Variants in PTPRN2 observed in about 807,000 individuals in gnomAD.
PTPRN2 encodes the protein protein tyrosine phosphatase receptor type N2, also known as receptor-type tyrosine-protein phosphatase N2.
Under a neutral mutation model 118.8 loss-of-function variants are expected in PTPRN2, and 74 were observed. The observed-to-expected ratio is 0.62, with a 90% CI of 0.52 to 0.76. The LOEUF is 0.76. Ranked by LOEUF, PTPRN2 falls within the 30% of genes least tolerant of loss-of-function variation. The probability of loss-of-function intolerance (pLI) is 0.00; values close to 1 mark genes in which losing one functional copy is unlikely to be tolerated. For synonymous variants in PTPRN2, 641 were observed against 608.0 expected, an observed-to-expected ratio of 1.05 and a Z score of -0.80; for missense variants, 1,481 against 1,394.4, an observed-to-expected ratio of 1.06 and a Z score of -0.99.
chr7:157,931,463 G>A (rs932355987), intron 11 of PTPRN2, among the ~76,000 whole-genome samples: 1 of 152,184 alleles, frequency 6.6e-6, no homozygotes, highest in African/African-American at 2.4e-5. Context: ...GTCTACTTCC[G>A]ATCACACGCT....
At chr7:157,837,849 C>T (rs1808080219) in intron 12 of PTPRN2, among the ~76,000 whole-genome samples, 1 of 152,244 alleles carries the variant, frequency 6.6e-6, no homozygotes, top group Admixed American at 6.5e-5. Context: ...ATCTCACAGC[C>T]CTGCTGCCCA....
intron 6 of PTPRN2, among the ~76,000 whole-genome samples, chr7:158,140,877 G>C (rs1420671729): frequency 6.6e-6 from 1 of 152,212 alleles, no homozygotes; most frequent in African/African-American, 2.4e-5. Flanking sequence ...AGCTTTGAAG[G>C]AAAACCTGAC....
intron 18 of PTPRN2, among the ~76,000 whole-genome samples, chr7:157,577,805 G>C (rs1157399581): frequency 6.6e-6 from 1 of 152,156 alleles, no homozygotes; most frequent in Non-Finnish European, 1.5e-5. Context: ...GGCCCTCGGG[G>C]GTGACTCAGC....
At chr7:158,065,627 G>A (rs1307872497) in intron 11 of PTPRN2, among the ~76,000 whole-genome samples, 2 of 152,236 alleles carry the variant, frequency 1.3e-5, no homozygotes, top group Non-Finnish European at 2.9e-5. Flanking sequence ...CCACGGGTCA[G>A]ACCAAGGTTT....
At chr7:157,798,729 T>C (rs756708214) in intron 12 of PTPRN2, among the ~76,000 whole-genome samples, 1 of 152,232 alleles carries the variant, frequency 6.6e-6, no homozygotes, top group Non-Finnish European at 1.5e-5. Context: ...TTTTTGCCTA[T>C]TGATGTGAAA....
intron 1 of PTPRN2, among the ~76,000 whole-genome samples, chr7:158,510,668 A>G (rs1823112218): frequency 6.6e-6 from 1 of 152,228 alleles, no homozygotes; most frequent in Non-Finnish European, 1.5e-5. Flanking sequence ...CTCCTATTTG[A>G]TAAAAAATAC....
chr7:158,222,206 C>T (rs1828429107), intron 3 of PTPRN2, among the ~76,000 whole-genome samples: 1 of 152,130 alleles, frequency 6.6e-6, no homozygotes, highest in Non-Finnish European at 1.5e-5. Context: ...ACCATTCGAC[C>T]CAGCAATCCC....
intron 14 of PTPRN2, among the ~76,000 whole-genome samples, chr7:157,639,503 A>G (rs1804540967): frequency 6.6e-6 from 1 of 152,228 alleles, no homozygotes; most frequent in Admixed American, 6.5e-5. Context: ...GTCTTCCTCC[A>G]CAGACACGTA....
intron 2 of PTPRN2, among the ~76,000 whole-genome samples, chr7:158,388,007 T>A (rs1811636345): frequency 6.6e-6 from 1 of 152,182 alleles, no homozygotes; most frequent in African/African-American, 2.4e-5. Flanking sequence ...TCTCTATTTA[T>A]ACACACATAC....
At chr7:158,499,109 A>G (rs548180328) in intron 1 of PTPRN2, among the ~76,000 whole-genome samples, 1 of 152,338 alleles carries the variant, frequency 6.6e-6, no homozygotes, top group African/African-American at 2.4e-5. Flanking sequence ...AAAGCCCTCT[A>G]ACAAAAAGAC....
At chr7:157,594,691 G>A (rs1801189267) in intron 17 of PTPRN2, among the ~76,000 whole-genome samples, 1 of 152,188 alleles carries the variant, frequency 6.6e-6, no homozygotes, top group African/African-American at 2.4e-5. Context: ...GGGGAGACCC[G>A]GGGGCAGCTG....
At chr7:158,163,273 G>A (rs536444929) in intron 6 of PTPRN2, among the ~76,000 whole-genome samples, 185 of 151,768 alleles carry the variant, frequency 1.2e-3, no homozygotes, top group African/African-American at 4.3e-3. Context: ...ACGCCTGTAC[G>A]GGGTTCTCAA....
At chr7:158,154,102 T>C (rs753591536) in intron 6 of PTPRN2, among the ~76,000 whole-genome samples, 31 of 152,192 alleles carry the variant, frequency 2.0e-4, no homozygotes, top group Non-Finnish European at 4.1e-4. Flanking sequence ...CTTGTGCCAG[T>C]GCAGGTGGGA....
chr7:158,000,056 T>G (rs1805097833), intron 11 of PTPRN2, among the ~76,000 whole-genome samples: 1 of 152,000 alleles, frequency 6.6e-6, no homozygotes. Context: ...CCGGCTAATT[T>G]CTGTATTTTT....
intron 12 of PTPRN2, among the ~76,000 whole-genome samples, chr7:157,781,506 G>A (rs1803679225): frequency 6.6e-6 from 1 of 152,216 alleles, no homozygotes; most frequent in Admixed American, 6.5e-5. Flanking sequence ...ACTTCAAGGT[G>A]AGATGAATCT....
chr7:158,437,029 G>A (rs770378868), intron 2 of PTPRN2, among the ~76,000 whole-genome samples: 1 of 151,806 alleles, frequency 6.6e-6, no homozygotes, highest in Non-Finnish European at 1.5e-5. Flanking sequence ...AGCTCTCATC[G>A]CCTCAAACAT....
chr7:157,662,801 G>A (rs1795956636), intron 13 of PTPRN2, among the ~76,000 whole-genome samples: 3 of 152,204 alleles, frequency 2.0e-5, no homozygotes, highest in African/African-American at 7.2e-5. Context: ...CTTTTCCAGG[G>A]CGAGCCTTCT....
At chr7:157,873,929 A>G (rs1408542210) in intron 12 of PTPRN2, among the ~76,000 whole-genome samples, 1 of 152,024 alleles carries the variant, frequency 6.6e-6, no homozygotes, top group Admixed American at 6.5e-5. Context: ...GTCCGGGGAA[A>G]GTTGTTTCCT....
At chr7:158,377,883 C>A (rs1810672319) in intron 2 of PTPRN2, among the ~76,000 whole-genome samples, 1 of 152,168 alleles carries the variant, frequency 6.6e-6, no homozygotes, top group African/African-American at 2.4e-5. Flanking sequence ...AGCACAGGGC[C>A]CGTGGCTACA....
Sources: allele counts gnomAD v4.1 joint callset (sites outside exome capture counted in the v4.1 genomes callset), GRCh38; gene constraint gnomAD v4.1.1; transcripts MANE v1.5; gene names NCBI Gene and HGNC (gene_info 2026-07-23, HGNC 2026-07-21).